FARS2: variants seen among roughly 807,000 people sequenced by gnomAD.
FARS2 encodes the protein phenylalanyl-tRNA synthetase 2, mitochondrial.
FARS2 carries 40 observed loss-of-function variants against 46.4 expected under a neutral mutation model. The observed-to-expected ratio is 0.86, with a 90% CI of 0.67 to 1.12. FARS2 has a LOEUF of 1.12. FARS2 is among the 50% of genes most tolerant of loss of function. FARS2 has a pLI of 0.00. For synonymous variants in FARS2, 234 were observed against 214.9 expected, an observed-to-expected ratio of 1.09 and a Z score of -0.78; for missense variants, 513 against 567.9, an observed-to-expected ratio of 0.90 and a Z score of 0.98.
At chr6:5,763,157 C>G (rs1158328436) in intron 6 of FARS2, among the ~76,000 whole-genome samples, 1 of 152,200 alleles carries the variant, frequency 6.6e-6, no homozygotes, top group African/African-American at 2.4e-5. Flanking sequence ...CCCTCCGGCT[C>G]CCATCGCTCA....
chr6:5,397,816 T>C (rs1761000352), intron 2 of FARS2, among the ~76,000 whole-genome samples: 1 of 152,246 alleles, frequency 6.6e-6, no homozygotes, highest in Non-Finnish European at 1.5e-5. Context: ...TTGTTTATTA[T>C]GACTTTGATG....
chr6:5,734,042 A>C (rs974777373), intron 6 of FARS2, among the ~76,000 whole-genome samples: 2 of 152,236 alleles, frequency 1.3e-5, no homozygotes, highest in Admixed American at 6.5e-5. Flanking sequence ...GGGATCCAAG[A>C]GTGCTAAACT....
intron 6 of FARS2, among the ~76,000 whole-genome samples, chr6:5,698,969 C>T (rs984157215): frequency 1.4e-4 from 21 of 152,108 alleles, no homozygotes; most frequent in African/African-American, 4.1e-4. Context: ...TGCTAAGGGG[C>T]GGGCACAGGC....
chr6:5,337,267 C>G (rs192147623), intron 1 of FARS2, among the ~76,000 whole-genome samples: 19 of 151,856 alleles, frequency 1.3e-4, no homozygotes, highest in African/African-American at 3.9e-4. Flanking sequence ...TGTTAGTTTT[C>G]ATTATTGTGG....
intron 1 of FARS2, among the ~76,000 whole-genome samples, chr6:5,271,187 G>A (rs1478656904): frequency 2.0e-5 from 3 of 152,156 alleles, no homozygotes; most frequent in African/African-American, 7.2e-5. Context: ...CTTCTCTAAC[G>A]TAAATTTTAT....
chr6:5,444,250 C>CCT (rs1208396860), intron 4 of FARS2, among the ~76,000 whole-genome samples: 1 of 151,972 alleles, frequency 6.6e-6, no homozygotes, highest in Non-Finnish European at 1.5e-5. Context: ...GGGCGGATCA[C>CCT]AAGGTCAGGA....
At chr6:5,596,385 G>T (rs1774198970) in intron 5 of FARS2, among the ~76,000 whole-genome samples, 1 of 152,200 alleles carries the variant, frequency 6.6e-6, no homozygotes, top group South Asian at 2.1e-4. Flanking sequence ...GCTCCATTGT[G>T]AGAATGGGTA....
At chr6:5,511,713 C>T (rs1342130407) in intron 4 of FARS2, among the ~76,000 whole-genome samples, 1 of 152,206 alleles carries the variant, frequency 6.6e-6, no homozygotes, top group East Asian at 1.9e-4. Flanking sequence ...TGCCTTTTCT[C>T]TGTTTTCCTC....
intron 5 of FARS2, among the ~76,000 whole-genome samples, chr6:5,570,822 A>G (rs1386336528): frequency 6.6e-6 from 1 of 152,218 alleles, no homozygotes; most frequent in Non-Finnish European, 1.5e-5. Flanking sequence ...CTGTCACCAC[A>G]GCTGTGCACG....
intron 5 of FARS2, among the ~76,000 whole-genome samples, chr6:5,567,923 G>A (rs1380653101): frequency 6.6e-6 from 1 of 152,228 alleles, no homozygotes; most frequent in African/African-American, 2.4e-5. Flanking sequence ...ATTCTAGGAT[G>A]CTATGAAAGT....
At chr6:5,461,055 T>C (rs1765214521) in intron 4 of FARS2, among the ~76,000 whole-genome samples, 1 of 152,062 alleles carries the variant, frequency 6.6e-6, no homozygotes, top group South Asian at 2.1e-4. Context: ...TTTTTTTTTT[T>C]TGAGTCACGG....
At chr6:5,288,672 C>T (rs1055608553) in intron 1 of FARS2, among the ~76,000 whole-genome samples, 1 of 152,232 alleles carries the variant, frequency 6.6e-6, no homozygotes, top group African/African-American at 2.4e-5. Flanking sequence ...TATGGAGGTG[C>T]GGACTGGGGA....
At chr6:5,420,563 G>A (rs1368889879) in intron 3 of FARS2, among the ~76,000 whole-genome samples, 2 of 152,222 alleles carry the variant, frequency 1.3e-5, no homozygotes, top group African/African-American at 4.8e-5. Flanking sequence ...ATGCAAGTGT[G>A]AAATCCAGTG....
chr6:5,286,073 C>T (rs17140092), intron 1 of FARS2, among the ~76,000 whole-genome samples: 10,760 of 152,130 alleles, frequency 0.071, 551 homozygotes, highest in African/African-American at 0.15. Context: ...TAACCTTTTT[C>T]GCTCATCTTC....
intron 4 of FARS2, among the ~76,000 whole-genome samples, chr6:5,492,483 T>C (rs904011944): frequency 6.6e-6 from 1 of 152,258 alleles, no homozygotes; most frequent in Non-Finnish European, 1.5e-5. Context: ...CTGGTTTTAT[T>C]TAAATGGGCA....
chr6:5,718,785 A>C (rs1371540180), intron 6 of FARS2, among the ~76,000 whole-genome samples: 1 of 152,060 alleles, frequency 6.6e-6, no homozygotes, highest in Non-Finnish European at 1.5e-5. Flanking sequence ...GTGGCTTCAT[A>C]TTTTGGATCT....
intron 6 of FARS2, among the ~76,000 whole-genome samples, chr6:5,758,546 G>T (rs1472572978): frequency 6.6e-6 from 1 of 152,186 alleles, no homozygotes; most frequent in African/African-American, 2.4e-5. Flanking sequence ...ACAAAGAGGA[G>T]CTCTAAGCTG....
chr6:5,531,065 A>G lies in FARS2; in HGVS notation c.905-14115A>G, dbSNP rs903234056. Among the ~76,000 whole-genome samples the G allele has an allele frequency of 2.6e-5, 4 of 152,098 alleles. 1 individual carries two copies. In the South Asian group the frequency reaches 8.3e-4, roughly 31 times the overall value. ...AGGCATTATATTCTTGAGTGATAGCATCTGATGTGGGAAGAAAGAAGGAAG... is the reference window on the plus strand; with the variant it reads ...AGGCATTATATTCTTGAGTGATAGCGTCTGATGTGGGAAGAAAGAAGGAAG... On this transcript the variant is annotated intron_variant, in intron 4 of 6. Transcript: ENST00000274680.
intron 1 of FARS2, among the ~76,000 whole-genome samples, chr6:5,304,328 A>T (rs1322148234): frequency 6.6e-6 from 1 of 152,216 alleles, no homozygotes; most frequent in Non-Finnish European, 1.5e-5. Flanking sequence ...CACATCATTA[A>T]TTATTTAACT....
Sources: allele counts gnomAD v4.1 joint callset (sites outside exome capture counted in the v4.1 genomes callset), GRCh38; gene constraint gnomAD v4.1.1; transcripts MANE v1.5; gene names NCBI Gene and HGNC (gene_info 2026-07-23, HGNC 2026-07-21).